The following HSP90AA1 variants were observed in gnomAD, a reference collection of about 807,000 sequenced individuals.
HSP90AA1 encodes the protein heat shock protein 90 alpha family class A member 1.
Under a neutral mutation model 73.3 loss-of-function variants are expected in HSP90AA1, and 18 were observed. That is an observed-to-expected ratio of 0.25 (90% CI 0.17 to 0.36). HSP90AA1 has a LOEUF of 0.36. HSP90AA1 is among the 10% of genes least tolerant of loss of function. The probability of loss-of-function intolerance (pLI) is 1.00; values close to 1 mark genes in which losing one functional copy is unlikely to be tolerated. For missense variants in HSP90AA1, 704 were observed against 874.2 expected (o/e 0.81, Z 2.45); for synonymous variants, 477 against 296.9 (o/e 1.61, Z -6.24).
intron 8 of HSP90AA1, 97 bp downstream of exon 8, chr14:102,083,449 A>G: frequency 7.1e-7 from 1 of 1,416,226 alleles, no homozygotes; most frequent in Non-Finnish European, 1.0e-6. Flanking sequence ...CTAGATCAAT[A>G]CCAGTTGTAA....
chr14:102,090,507 T>C (rs1188701293), upstream of HSP90AA1, among the ~76,000 whole-genome samples: 1 of 151,634 alleles, frequency 6.6e-6, no homozygotes, highest in African/African-American at 2.4e-5. Flanking sequence ...TGGAGTGCAG[T>C]GGTGCGATCT....
chr14:102,137,129 G>C (rs1030502140), intron 1 of HSP90AA1, among the ~76,000 whole-genome samples: 1 of 151,796 alleles, frequency 6.6e-6, no homozygotes, highest in African/African-American at 2.4e-5. Context: ...CAGGAGAATT[G>C]CTTGAACTTG....
chr14:102,091,049 A>G (rs1177808535), upstream of HSP90AA1, among the ~76,000 whole-genome samples: 3 of 152,200 alleles, frequency 2.0e-5, no homozygotes, highest in South Asian at 2.1e-4. Flanking sequence ...TAGAGTGGTT[A>G]TGAAGCTTAA....
At chr14:102,102,335 A>G (rs935145052) in intron 1 of HSP90AA1, among the ~76,000 whole-genome samples, 4 of 152,190 alleles carry the variant, frequency 2.6e-5, no homozygotes, top group African/African-American at 9.6e-5. Context: ...CCCCCACTCC[A>G]GCAGTGCTTC....
upstream of HSP90AA1, among the ~76,000 whole-genome samples, chr14:102,088,030 T>C (rs1286080648): frequency 5.2e-5 from 7 of 134,754 alleles, no homozygotes; most frequent in African/African-American, 1.7e-4. Context: ...CACTGCAGCC[T>C]CGACCCTCCC....
chr14:102,090,650 A>C (rs1333366563), upstream of HSP90AA1, among the ~76,000 whole-genome samples: 1 of 152,028 alleles, frequency 6.6e-6, no homozygotes, highest in Non-Finnish European at 1.5e-5. Flanking sequence ...AGGGGGTTTC[A>C]CCGTGTTAGC....
At chr14:102,099,701 G>A (rs567054485) in intron 2 of HSP90AA1, among the ~76,000 whole-genome samples, 13 of 152,194 alleles carry the variant, frequency 8.5e-5, no homozygotes, top group Non-Finnish European at 1.5e-4. Context: ...GCTTTACGAA[G>A]GCCAGTGGCT....
At chr14:102,101,803 GGT>G (rs2049496511) in intron 2 of HSP90AA1, 1 of 1,239,228 alleles carries the variant, frequency 8.1e-7, no homozygotes, top group Non-Finnish European at 1.2e-6. Flanking sequence ...TCCAACCACC[GGT>G]TGGTTGGATG....
chr14:102,090,309 C>T (rs2049337098), upstream of HSP90AA1, among the ~76,000 whole-genome samples: 1 of 152,204 alleles, frequency 6.6e-6, no homozygotes, highest in Admixed American at 6.5e-5. Context: ...TGGAGAGGTT[C>T]TCAGAATGTG....
Position 102,085,544 on chromosome 14 carries a change from A to G in HSP90AA1, c.530-113T>C, listed in dbSNP as rs2049207660. The G allele has an allele frequency of 2.1e-5, 26 of 1,241,064 alleles. No individual in the cohort carries two copies. In the South Asian group the frequency reaches 3.1e-4, roughly 15 times the overall value. The allele number at this position is 1,241,064 out of a possible 1,614,324, so 76.9% of individuals were successfully genotyped here. A position where few individuals can be genotyped will look rare whatever the true frequency, so the allele number is the denominator to read the frequency against. Reference sequence around the variant, plus strand: ...CAAGGTTTGCCGTTACTACAGATGCAAAGGCCACCACAGCAGAACCTTTTG... The same window carrying G: ...CAAGGTTTGCCGTTACTACAGATGCGAAGGCCACCACAGCAGAACCTTTTG... On this transcript the variant is annotated intron_variant, in intron 3 of 10. Transcript: ENST00000216281.
intron 8 of HSP90AA1, 48 bp downstream of exon 8, chr14:102,083,498 C>G (rs760659759): frequency 3.2e-6 from 5 of 1,579,280 alleles, no homozygotes; most frequent in Non-Finnish European, 4.3e-6. Context: ...ACAGAGCCTA[C>G]AAGATTGTAA....
At chr14:102,102,076 A>G in exon 2 of HSP90AA1, 1 of 1,613,352 alleles carries the variant, frequency 6.2e-7, no homozygotes, top group Non-Finnish European at 8.5e-7. Flanking sequence ...ACCAGTTAAC[A>G]GGTGCCCTGC....
chr14:102,088,064 C>T (rs1258340772), upstream of HSP90AA1, among the ~76,000 whole-genome samples: 2 of 151,414 alleles, frequency 1.3e-5, no homozygotes, highest in Non-Finnish European at 2.9e-5. Context: ...CCTCCCGCCT[C>T]AGCTTTCCCA....
chr14:102,115,520 T>C (rs181530399), intron 1 of HSP90AA1, among the ~76,000 whole-genome samples: 1 of 152,312 alleles, frequency 6.6e-6, no homozygotes, highest in East Asian at 1.9e-4. Context: ...GTAACAGTTT[T>C]ACACCAACAG....
chr14:102,085,649 G>A (rs371368790), intron 3 of HSP90AA1, 109 bp downstream of exon 3: 9 of 1,529,482 alleles, frequency 5.9e-6, no homozygotes, highest in African/African-American at 1.4e-5. Flanking sequence ...GTTCCTGATC[G>A]TTGGGCAAAC....
intron 2 of HSP90AA1, among the ~76,000 whole-genome samples, chr14:102,092,678 T>G (rs570193045): frequency 6.6e-6 from 1 of 152,272 alleles, no homozygotes; most frequent in African/African-American, 2.4e-5. Context: ...TCTTCATTAT[T>G]TTGATTGTAG....
intron 1 of HSP90AA1, among the ~76,000 whole-genome samples, chr14:102,133,302 A>C (rs2049931648): frequency 6.6e-6 from 1 of 152,108 alleles, no homozygotes; most frequent in Admixed American, 6.6e-5. Flanking sequence ...AAACAATAGA[A>C]GATAATTAAC....
intron 2 of HSP90AA1, among the ~76,000 whole-genome samples, chr14:102,098,431 A>AG (rs1188831873): frequency 7.5e-6 from 1 of 133,246 alleles, no homozygotes; most frequent in Non-Finnish European, 1.6e-5. Context: ...AAGTGCTGGG[A>AG]TTACAGGCTT....
At chr14:102,105,622 G>A (rs2049557105) in intron 1 of HSP90AA1, among the ~76,000 whole-genome samples, 1 of 152,218 alleles carries the variant, frequency 6.6e-6, no homozygotes, top group Admixed American at 6.5e-5. Context: ...GGGAGACAGG[G>A]CCTGCATCTG....
Sources: allele counts gnomAD v4.1 joint callset (sites outside exome capture counted in the v4.1 genomes callset), GRCh38; gene constraint gnomAD v4.1.1; transcripts MANE v1.5; gene names NCBI Gene and HGNC (gene_info 2026-07-23, HGNC 2026-07-21).